SUPT6H: variants seen among roughly 807,000 people sequenced by gnomAD.
The protein encoded by SUPT6H is transcription elongation factor SPT6.
A neutral mutation model predicts 222.3 loss-of-function variants in SUPT6H; 11 were observed. The observed-to-expected ratio is 0.05, with a 90% confidence interval of 0.03 to 0.08. The LOEUF (loss-of-function observed/expected upper bound fraction) is 0.08. Among genes scored for constraint, SUPT6H ranks in the 10% least tolerant of loss-of-function variants. The pLI is 1.00. For missense variants in SUPT6H, 1,422 were observed against 2,216.0 expected (o/e 0.64, Z 7.19); for synonymous variants, 762 against 801.2 (o/e 0.95, Z 0.83).
At chr17:28,694,773 G>A (rs1364009791) in intron 28 of SUPT6H, among the ~76,000 whole-genome samples, 1 of 152,220 alleles carries the variant, frequency 6.6e-6, no homozygotes, top group African/African-American at 2.4e-5. Context: ...GCCAAGGTGG[G>A]TGAAGTCATT....
intron 13 of SUPT6H, 71 bp downstream of exon 13, chr17:28,682,051 G>A (rs1597702166): frequency 7.7e-7 from 1 of 1,296,514 alleles, no homozygotes; most frequent in African/African-American, 1.5e-5. Context: ...AAAAAGACTG[G>A]TAGGTAGGAA....
intron 32 of SUPT6H, among the ~76,000 whole-genome samples, chr17:28,698,360 C>T (rs533507808): frequency 2.0e-5 from 3 of 152,310 alleles, no homozygotes; most frequent in East Asian, 3.9e-4. Context: ...CTCTCCTGTC[C>T]ACCACCTGCC....
intron 19 of SUPT6H, 22 bp downstream of exon 19, chr17:28,684,983 AC>A: frequency 6.3e-7 from 1 of 1,597,330 alleles, no homozygotes; most frequent in East Asian, 2.2e-5. Flanking sequence ...GGACGAGGAT[AC>A]TAAGTGTACA....
intron 19 of SUPT6H, among the ~76,000 whole-genome samples, chr17:28,685,503 A>G (rs1028794067): frequency 5.7e-5 from 7 of 122,662 alleles, no homozygotes; most frequent in Non-Finnish European, 9.3e-5. Flanking sequence ...TATTATTATT[A>G]TTATTGAAAC....
chr17:28,685,778 C>T (rs910622430), intron 19 of SUPT6H, among the ~76,000 whole-genome samples: 1 of 152,176 alleles, frequency 6.6e-6, no homozygotes, highest in Admixed American at 6.5e-5. Flanking sequence ...GCCACTGCAC[C>T]CAGCCCTTAA....
At chr17:28,699,695 T>C in intron 32 of SUPT6H, 86 bp from the exon 33 acceptor site, 2 of 1,103,504 alleles carry the variant, frequency 1.8e-6, no homozygotes, top group South Asian at 1.2e-5. Flanking sequence ...CCAGAATGGC[T>C]ACTTCACATG....
chr17:28,671,799 T>C (rs1311559286), intron 1 of SUPT6H, among the ~76,000 whole-genome samples: 4 of 152,252 alleles, frequency 2.6e-5, no homozygotes, highest in African/African-American at 9.6e-5. Context: ...CCCTATGTCA[T>C]GTAATATTCT....
At chr17:28,692,380 C>T (rs2031705802) in intron 27 of SUPT6H, among the ~76,000 whole-genome samples, 1 of 145,990 alleles carries the variant, frequency 6.8e-6, no homozygotes. Context: ...TGCCTGTAAT[C>T]CCAGTACTTT....
At chr17:28,663,827 C>CTTTTTTTTTTTTTTTTTTTTTTTTT (rs1567681347) in intron 1 of SUPT6H, among the ~76,000 whole-genome samples, 1 of 8,410 alleles carries the variant, frequency 1.2e-4, no homozygotes, top group African/African-American at 3.3e-4. Flanking sequence ...CTGCCCACTC[C>CTTTTTTTTTTTTTTTTTTTTTTTTT]ATTTTTTTTT....
intron 1 of SUPT6H, among the ~76,000 whole-genome samples, chr17:28,667,268 G>C (rs2030084497): frequency 1.4e-5 from 2 of 147,972 alleles, no homozygotes; most frequent in Admixed American, 1.3e-4. Context: ...CTGCTTGGGA[G>C]GTTGAGGCAG....
At chr17:28,683,467 G>C in intron 16 of SUPT6H, 45 bp downstream of exon 16, 1 of 1,608,852 alleles carries the variant, frequency 6.2e-7, no homozygotes, top group Non-Finnish European at 8.5e-7. Context: ...AAGGCCTGAT[G>C]AGGAGTCTGG....
intron 29 of SUPT6H, 45 bp from the exon 30 acceptor site, chr17:28,696,799 C>T (rs775556194): frequency 1.9e-6 from 3 of 1,573,714 alleles, no homozygotes; most frequent in Non-Finnish European, 2.6e-6. Context: ...GCTGCCAGCT[C>T]CTAGCCCCAT....
chr17:28,667,704 T>C (rs2030165413), intron 1 of SUPT6H, among the ~76,000 whole-genome samples: 1 of 151,662 alleles, frequency 6.6e-6, no homozygotes, highest in Non-Finnish European at 1.5e-5. Context: ...GGCATCACCT[T>C]TTCTCAGATA....
chr17:28,681,160 G>C, intron 11 of SUPT6H, 96 bp from the exon 12 acceptor site: 1 of 1,357,028 alleles, frequency 7.4e-7, no homozygotes, highest in South Asian at 1.3e-5. Flanking sequence ...CATTTTAGTT[G>C]GGATACTGCC....
At chr17:28,681,081 A>G (rs1046860962) in intron 11 of SUPT6H, 175 bp from the exon 12 acceptor site, 2 of 654,292 alleles carry the variant, frequency 3.1e-6, no homozygotes, top group African/African-American at 3.7e-5. Context: ...TCTGGGCAAC[A>G]GAGTGAGACC....
At chr17:28,679,007 C>T in intron 11 of SUPT6H, 44 bp downstream of exon 11, 1 of 1,612,500 alleles carries the variant, frequency 6.2e-7, no homozygotes, top group Non-Finnish European at 8.5e-7. Context: ...GCCCTCAGAC[C>T]CCAAGGCTGG....
In SUPT6H at chr17:28,701,118, C is replaced by A; in HGVS notation, c.4984C>A (p.Gln1662Lys). ...QPSSSSRQRQ[Q>K]QPKSNSHAAI... ...CTCTTCCAGCTCCCGGCAACGGCAGCAGCAGCCAAAGTAAGTATCTGGATG... is the reference window on the plus strand; with the variant it reads ...CTCTTCCAGCTCCCGGCAACGGCAGAAGCAGCCAAAGTAAGTATCTGGATG... Residue 1662 changes from glutamine (Q) to lysine (K), a missense_variant, in exon 36 of 37, where the codon CAG becomes AAG. Coordinates refer to ENST00000314616, the MANE Select transcript of SUPT6H (RefSeq NM_003170.5). The A allele has an allele frequency of 6.2e-7, 1 of 1,609,320 alleles. No homozygotes were observed. The highest frequency in any genetic ancestry group is 1.3e-5 in the African/African-American group (1 of 75,030).
In SUPT6H at chr17:28,683,388, A is replaced by G; in HGVS notation, c.1999A>G (p.Thr667Ala). The G allele has an allele frequency of 6.2e-7, 1 of 1,614,154 alleles. No individual in the cohort carries two copies. ...CLAEDEGLLT[T>A]DISIDLKGVE... Reference sequence around the variant, plus strand: ...GGCTGAAGACGAAGGGCTCCTCACCACTGACATCAGCATAGATTTGAAGGG... The same window carrying G: ...GGCTGAAGACGAAGGGCTCCTCACCGCTGACATCAGCATAGATTTGAAGGG... Residue 667 changes from threonine (T) to alanine (A), a missense_variant, in exon 16 of 37, where the codon ACT becomes GCT. Transcript: ENST00000314616.
intron 32 of SUPT6H, among the ~76,000 whole-genome samples, chr17:28,699,055 C>T (rs2032035812): frequency 6.6e-6 from 1 of 152,192 alleles, no homozygotes; most frequent in Admixed American, 6.5e-5. Flanking sequence ...AGTTAGGAGG[C>T]AGGTGTCAGC....
Sources: gnomAD v4.1 joint callset for allele counts (sites outside exome capture counted in the v4.1 genomes callset) on GRCh38, gnomAD v4.1.1 for gene constraint, MANE v1.5 for transcripts, NCBI Gene and HGNC (gene_info 2026-07-23, HGNC 2026-07-21) for gene names.